The following EYS variants were observed in gnomAD, a reference collection of about 807,000 sequenced individuals.
The protein encoded by EYS is protein eyes shut homolog.
In EYS, 250 loss-of-function variants were observed where a neutral mutation model predicts 282.1. The ratio of observed to expected loss-of-function variants is 0.89; its 90% confidence interval spans 0.80 to 0.98. The LOEUF is 0.98. Ranked by LOEUF, EYS falls within the 50% of genes least tolerant of loss-of-function variation. The pLI is 0.00. For missense variants in EYS, 4,016 were observed against 3,709.0 expected (o/e 1.08, Z -2.15); for synonymous variants, 1,355 against 1,282.9 (o/e 1.06, Z -1.20).
At chr6:65,650,822 A>G (rs755858089) in intron 1 of EYS, among the ~76,000 whole-genome samples, 1 of 152,124 alleles carries the variant, frequency 6.6e-6, no homozygotes, top group African/African-American at 2.4e-5. Flanking sequence ...TTACTGTTTT[A>G]TCTTATTTTT....
chr6:65,431,780 T>C (rs1767899073), intron 5 of EYS, among the ~76,000 whole-genome samples: 1 of 152,110 alleles, frequency 6.6e-6, no homozygotes, highest in Non-Finnish European at 1.5e-5. Flanking sequence ...AGTTTTAAAA[T>C]GTGAGCTAGT....
intron 5 of EYS, among the ~76,000 whole-genome samples, chr6:65,441,798 T>A (rs971027160): frequency 2.0e-5 from 3 of 152,224 alleles, no homozygotes; most frequent in African/African-American, 7.2e-5. Context: ...AGGAGGACAC[T>A]GAGAACCAGA....
chr6:65,442,495 C>T (rs144106406), intron 5 of EYS, among the ~76,000 whole-genome samples: 1,652 of 151,948 alleles, frequency 0.011, 29 homozygotes, highest in African/African-American at 0.037. Flanking sequence ...TGGTTCATGC[C>T]TGTAATCCCA....
intron 26 of EYS, 39 bp downstream of exon 26, chr6:64,590,184 A>T (rs190824634): frequency 6.8e-7 from 1 of 1,463,256 alleles, no homozygotes; most frequent in South Asian, 1.4e-5. Context: ...AAAGAAACTC[A>T]TTTCTAAAAG....
At chr6:64,338,972 CA>C (rs138477840) in intron 29 of EYS, among the ~76,000 whole-genome samples, 108,875 of 151,714 alleles carry the variant, frequency 0.72, 39,268 homozygotes, top group African/African-American at 0.79. Context: ...CCACATTATA[CA>C]AAAAATCAGC....
chr6:63,921,111 T>C (rs1764562713), intron 35 of EYS, among the ~76,000 whole-genome samples: 1 of 152,190 alleles, frequency 6.6e-6, no homozygotes, highest in South Asian at 2.1e-4. Flanking sequence ...TTAACCAGGA[T>C]GGTCTCACTC....
At chr6:65,529,792 C>T (rs1032706849) in intron 2 of EYS, among the ~76,000 whole-genome samples, 6 of 152,104 alleles carry the variant, frequency 3.9e-5, no homozygotes, top group Non-Finnish European at 8.8e-5. Context: ...AAAGAGACCC[C>T]AGAGAGCTCC....
chr6:64,474,018 T>C (rs550236626), intron 26 of EYS, among the ~76,000 whole-genome samples: 1 of 152,306 alleles, frequency 6.6e-6, no homozygotes, highest in East Asian at 1.9e-4. Context: ...TATAAATTCT[T>C]ATATCCCCAT....
At chr6:64,728,013 C>T (rs889423316) in intron 22 of EYS, among the ~76,000 whole-genome samples, 6 of 152,150 alleles carry the variant, frequency 3.9e-5, no homozygotes, top group African/African-American at 1.4e-4. Flanking sequence ...AATGCATGGG[C>T]ACTGGAACTA....
intron 15 of EYS, among the ~76,000 whole-genome samples, chr6:64,939,667 T>TACACACAC (rs148797350): frequency 1.1e-4 from 16 of 149,592 alleles, no homozygotes; most frequent in African/African-American, 3.9e-4. Context: ...ATGTATTTCA[T>TACACACAC]ACACACACAC....
At chr6:64,796,562 C>A (rs2150004535) in intron 22 of EYS, among the ~76,000 whole-genome samples, 1 of 152,214 alleles carries the variant, frequency 6.6e-6, no homozygotes, top group East Asian at 1.9e-4. Context: ...AAATAATGGA[C>A]ACCTGCTTCT....
intron 40 of EYS, among the ~76,000 whole-genome samples, chr6:63,769,602 GATTA>G (rs1373880721): frequency 1.3e-5 from 2 of 152,072 alleles, no homozygotes; most frequent in Non-Finnish European, 2.9e-5. Context: ...TTGGAAATGT[GATTA>G]ATAGCTCATC....
chr6:64,727,202 A>T (rs1225697080), intron 22 of EYS, among the ~76,000 whole-genome samples: 1 of 152,208 alleles, frequency 6.6e-6, no homozygotes, highest in Non-Finnish European at 1.5e-5. Flanking sequence ...CACTCATAAG[A>T]CTGAGGAATT....
At chr6:65,442,803 C>T (rs1183801313) in intron 5 of EYS, among the ~76,000 whole-genome samples, 1 of 133,308 alleles carries the variant, frequency 7.5e-6, no homozygotes, top group Non-Finnish European at 1.7e-5. Flanking sequence ...TATAGACACA[C>T]ACACATGCAT....
chr6:64,939,667 T>TAC (rs148797350), intron 15 of EYS, among the ~76,000 whole-genome samples: 9,473 of 149,552 alleles, frequency 0.063, 359 homozygotes, highest in East Asian at 0.15. Context: ...ATGTATTTCA[T>TAC]ACACACACAC....
At chr6:65,201,069 T>C (rs2150245912) in intron 12 of EYS, among the ~76,000 whole-genome samples, 1 of 152,254 alleles carries the variant, frequency 6.6e-6, no homozygotes, top group Middle Eastern at 3.4e-3. Flanking sequence ...AAAAATTAGT[T>C]ATAACTATCT....
At chr6:63,871,473 C>T (rs1007293475) in intron 35 of EYS, among the ~76,000 whole-genome samples, 1 of 151,962 alleles carries the variant, frequency 6.6e-6, no homozygotes, top group African/African-American at 2.4e-5. Flanking sequence ...CCATCCTGGC[C>T]AACATGGTGA....
chr6:65,695,633 TTA>T (rs67910391), intron 1 of EYS, among the ~76,000 whole-genome samples: 22,850 of 126,254 alleles, frequency 0.18, 1,895 homozygotes, highest in South Asian at 0.32. Flanking sequence ...TCAATCATTG[TTA>T]TTTTTTTTTT....
chr6:65,447,704 A>G (rs909106514), intron 5 of EYS, among the ~76,000 whole-genome samples: 3 of 152,052 alleles, frequency 2.0e-5, no homozygotes, highest in African/African-American at 7.2e-5. Flanking sequence ...ACATTAAATC[A>G]GACAAACAGG....
Sources: gnomAD v4.1 joint callset for allele counts (sites outside exome capture counted in the v4.1 genomes callset) on GRCh38, gnomAD v4.1.1 for gene constraint, MANE v1.5 for transcripts, NCBI Gene and HGNC (gene_info 2026-07-23, HGNC 2026-07-21) for gene names.